Variants in AMZ1 observed in about 807,000 individuals in gnomAD.
The protein encoded by AMZ1 is archaelysin family metallopeptidase 1, also known as archaemetzincin-1.
A neutral mutation model predicts 29.9 loss-of-function variants in AMZ1; 39 were observed. The observed-to-expected ratio is 1.30, with a 90% CI of 1.01 to 1.70. The LOEUF (loss-of-function observed/expected upper bound fraction) is 1.70. Among genes scored for constraint, AMZ1 ranks in the 40% most tolerant of loss-of-function variants. The pLI is 0.00. For missense variants in AMZ1, 1,041 were observed against 680.6 expected (o/e 1.53, Z -5.89); for synonymous variants, 458 against 304.0 (o/e 1.51, Z -5.27).
intron 2 of AMZ1, chr7:2,702,455 G>T (rs770551873): frequency 8.2e-6 from 4 of 489,272 alleles, no homozygotes; most frequent in Non-Finnish European, 1.4e-5. Flanking sequence ...GTGAGTCCCT[G>T]CCTGCTCTCT....
chr7:2,680,723 A>G (rs1038168185), intron 1 of AMZ1, among the ~76,000 whole-genome samples: 1 of 152,228 alleles, frequency 6.6e-6, no homozygotes, highest in South Asian at 2.1e-4. Context: ...CTGGCCACAG[A>G]GTTGGGGCCC....
intron 1 of AMZ1, among the ~76,000 whole-genome samples, chr7:2,694,097 G>A (rs939019883): frequency 1.3e-5 from 2 of 152,156 alleles, no homozygotes; most frequent in African/African-American, 2.4e-5. Context: ...ATGCAACACC[G>A]TTCCTGGGCG....
At chr7:2,744,980 A>G (rs1027670846) in intron 4 of AMZ1, among the ~76,000 whole-genome samples, 3 of 152,222 alleles carry the variant, frequency 2.0e-5, no homozygotes, top group Admixed American at 6.5e-5. Context: ...AAAAGAATAA[A>G]AAGAAACGAA....
intron 4 of AMZ1, among the ~76,000 whole-genome samples, chr7:2,745,954 C>T (rs1790743547): frequency 6.6e-6 from 1 of 151,892 alleles, no homozygotes; most frequent in Admixed American, 6.6e-5. Flanking sequence ...GCGATCAATT[C>T]AACAAGAAGA....
At chr7:2,722,560 C>T (rs1023696450), downstream of AMZ1, among the ~76,000 whole-genome samples, 11 of 152,290 alleles carry the variant, frequency 7.2e-5, no homozygotes, top group South Asian at 4.1e-4. Flanking sequence ...CGTGAGCCAC[C>T]GTGCCCAGCC....
intron 1 of AMZ1, among the ~76,000 whole-genome samples, chr7:2,694,060 C>T (rs952347513): frequency 5.3e-5 from 8 of 152,166 alleles, no homozygotes; most frequent in Non-Finnish European, 1.2e-4. Context: ...TGTCATGAGT[C>T]CGCTGAACTG....
chr7:2,723,533 G>T (rs189296663), downstream of AMZ1, among the ~76,000 whole-genome samples: 5 of 152,326 alleles, frequency 3.3e-5, no homozygotes, highest in Admixed American at 2.6e-4. Context: ...CGAGGCTGCG[G>T]GAGATCCCTT....
chr7:2,740,333 G>T (rs1388870217), intron 4 of AMZ1, among the ~76,000 whole-genome samples: 2 of 152,208 alleles, frequency 1.3e-5, no homozygotes, highest in East Asian at 3.9e-4. Flanking sequence ...TGAAGGTAGG[G>T]ACCTCATGAT....
intron 4 of AMZ1, among the ~76,000 whole-genome samples, chr7:2,758,661 T>C (rs571398207): frequency 1.6e-4 from 25 of 152,160 alleles, no homozygotes; most frequent in South Asian, 2.1e-4. Context: ...CACAGCACAC[T>C]TGGAGGAACC....
intron 4 of AMZ1, among the ~76,000 whole-genome samples, chr7:2,739,928 C>G (rs1174596321): frequency 6.6e-6 from 1 of 152,178 alleles, no homozygotes; most frequent in Non-Finnish European, 1.5e-5. Context: ...CCGCCTTGGC[C>G]TCTGAAAGTG....
chr7:2,754,690 A>G (rs1371919505), intron 4 of AMZ1, among the ~76,000 whole-genome samples: 1 of 152,180 alleles, frequency 6.6e-6, no homozygotes, highest in African/African-American at 2.4e-5. Context: ...CTGAGGCTGC[A>G]GTGAGCTATG....
At chr7:2,738,549 C>A (rs907132508) in intron 4 of AMZ1, among the ~76,000 whole-genome samples, 1 of 151,950 alleles carries the variant, frequency 6.6e-6, no homozygotes, top group East Asian at 1.9e-4. Context: ...GAGACTAAAA[C>A]CCATATTCTG....
intron 4 of AMZ1, among the ~76,000 whole-genome samples, chr7:2,738,336 G>T (rs778023184): frequency 1.3e-5 from 2 of 152,030 alleles, no homozygotes; most frequent in South Asian, 4.1e-4. Context: ...ACAAAGTGAC[G>T]CAGGCACAAG....
upstream of AMZ1, chr7:2,763,004 C>T (rs1258182883): frequency 3.9e-6 from 5 of 1,280,866 alleles, no homozygotes; most frequent in Non-Finnish European, 3.9e-6. Flanking sequence ...CTGTGGTCGC[C>T]AACAGCCCCG....
chr7:2,686,156 G>A (rs560967937), upstream of AMZ1, among the ~76,000 whole-genome samples: 1 of 152,370 alleles, frequency 6.6e-6, no homozygotes, highest in South Asian at 2.1e-4. Flanking sequence ...GACCATCAGG[G>A]TGTGGAGACG....
At position 2,712,634 on chromosome 7, in the gene AMZ1, T is replaced by C. The variant is rs752113117; in HGVS notation, c.1253T>C (p.Leu418Pro). Residue 418 changes from leucine (L) to proline (P), a missense_variant, in exon 7 of 7, where the codon CTG becomes CCG. Physicochemically the swap from Leu to Pro is moderately conservative, Grantham distance 98 (BLOSUM62 -3). Coordinates refer to ENST00000683327, the MANE Select transcript of AMZ1 (RefSeq NM_001384743.1). ...TGGCTGGCCATGTGCATCCAGGCCC[T>C]GCAGCGGGAAGTGGCAGAGGAGGAC... ...ERWLAMCIQA[L>P]QREVAEEDLV... 3.7e-6 allele frequency: 6 copies of C among 1,613,052 alleles called. No individual in the cohort carries two copies. The highest frequency in any genetic ancestry group is 5.1e-6 in the Non-Finnish European group (6 of 1,179,864).
chr7:2,700,815 G>A (rs2115104515), intron 2 of AMZ1, 60 bp downstream of exon 2: 2 of 1,565,620 alleles, frequency 1.3e-6, no homozygotes, highest in East Asian at 2.3e-5. Flanking sequence ...TATAGCACAA[G>A]TGGGGGATGT....
chr7:2,712,805 G>C lies in AMZ1; in HGVS notation c.1424G>C (p.Arg475Thr). 1 of 1,542,546 alleles carries C rather than the reference G, an allele frequency of 6.5e-7. No individual in the cohort carries two copies. Among genetic ancestry groups the C allele is most frequent in the East Asian group, 2.3e-5 (1 of 44,188 alleles). Reference sequence around the variant, plus strand: ...CTGGGGGACAAGTTCTCCTCCCTGAGGAGGAAGCTGAGTGCCCGAAAACTC... The same window carrying C: ...CTGGGGGACAAGTTCTCCTCCCTGACGAGGAAGCTGAGTGCCCGAAAACTC... ...KVLGDKFSSL[R>T]RKLSARKLAR... Residue 475 changes from arginine to threonine, a missense_variant, in exon 7 of 7, where the codon AGG (arginine) becomes ACG (threonine). Transcript: ENST00000683327.
downstream of AMZ1, among the ~76,000 whole-genome samples, chr7:2,724,644 T>A (rs1258781829): frequency 6.6e-6 from 1 of 151,634 alleles, no homozygotes; most frequent in Non-Finnish European, 1.5e-5. Flanking sequence ...CTTTGGTTCA[T>A]GTTACAACAC....
Sources: gnomAD v4.1 joint callset for allele counts (sites outside exome capture counted in the v4.1 genomes callset) on GRCh38, gnomAD v4.1.1 for gene constraint, MANE v1.5 for transcripts, NCBI Gene and HGNC (gene_info 2026-07-23, HGNC 2026-07-21) for gene names.